Variants in MTMR10 observed in about 807,000 individuals in gnomAD.
The protein encoded by MTMR10 is myotubularin related protein 10, also known as myotubularin-related protein 10.
A neutral mutation model predicts 88.1 loss-of-function variants in MTMR10; 56 were observed. That is an observed-to-expected ratio of 0.64 (90% CI 0.51 to 0.79). MTMR10 has a LOEUF of 0.79. Among genes scored for constraint, MTMR10 ranks in the 30% least tolerant of loss-of-function variants. MTMR10 has a pLI of 0.00. For missense variants in MTMR10, 883 were observed against 924.7 expected (o/e 0.95, Z 0.58); for synonymous variants, 380 against 340.9 (o/e 1.11, Z -1.26).
In MTMR10 at chr15:30,949,961, G is replaced by T. The variant is rs79675073; in HGVS notation, c.1208-1490C>A. The stretch of plus-strand genomic sequence containing the variant: ...GTGGCTGCCTGGAGCTGGGACTTTT[G>T]GGGTGATGAAAAATTTCCAAAACTA... On this transcript the variant is annotated intron_variant, in intron 12 of 15. Transcript: ENST00000435680. 294 of 152,170 alleles carry T rather than the reference G, an allele frequency of 1.9e-3. 1 individual carries two copies. The highest frequency in any genetic ancestry group is 6.9e-3 in the African/African-American group (287 of 41,528). The allele number at this position is 152,170 out of a possible 1,614,324, so 9.4% of individuals were successfully genotyped here.
At chr15:30,946,177 C>G (rs1436023176) in intron 14 of MTMR10, 1 of 152,282 alleles carries the variant, frequency 6.6e-6, no homozygotes, top group African/African-American at 2.4e-5. Flanking sequence ...GTTCTCCCTC[C>G]TGCAATAGCC....
rs1014207920 is a variant in MTMR10, at chr15:30,941,385, G to C, written c.*85C>G. On this transcript the variant is annotated 3_prime_UTR_variant, in exon 16 of 16. Transcript: ENST00000435680. ...ATTATTCTTACATATAAAGTTATTA[G>C]AGATTCAAACGCCTAGGTTAGCAAT... 8.1e-5 allele frequency: 124 copies of C among 1,539,846 alleles called. 4 individuals carry two copies. In the South Asian group the frequency reaches 1.5e-3, roughly 19 times the overall value.
intron 5 of MTMR10, among the ~76,000 whole-genome samples, chr15:30,970,811 A>G (rs1368814157): frequency 6.6e-6 from 1 of 152,194 alleles, no homozygotes; most frequent in Non-Finnish European, 1.5e-5. Flanking sequence ...AGGTTAGGAA[A>G]CAAATGAGTA....
At chr15:30,987,184 A>AACACAGTCT (rs1395470662) in intron 2 of MTMR10, among the ~76,000 whole-genome samples, 2 of 152,242 alleles carry the variant, frequency 1.3e-5, no homozygotes, top group African/African-American at 4.8e-5. Flanking sequence ...GGCATAAAAT[A>AACACAGTCT]ACACAGTCTT....
chr15:30,930,018 T>C, the MTMR10 span, among the ~76,000 whole-genome samples: 2 of 136,992 alleles, frequency 1.5e-5, no homozygotes, highest in Non-Finnish European at 3.0e-5. Flanking sequence ...GTATAAAATA[T>C]ATAATAATAT....
At chr15:30,926,183 G>A in the MTMR10 span, among the ~76,000 whole-genome samples, 2 of 152,212 alleles carry the variant, frequency 1.3e-5, no homozygotes, top group African/African-American at 4.8e-5. Flanking sequence ...AAAAGTTATG[G>A]AAGGTACTGC....
At chr15:30,985,141 C>T (rs539673212) in intron 2 of MTMR10, among the ~76,000 whole-genome samples, 2 of 152,310 alleles carry the variant, frequency 1.3e-5, no homozygotes, top group South Asian at 4.1e-4. Context: ...GAGCAAAGGC[C>T]ATCAAGCCCC....
chr15:30,970,622 A>T (rs2063526526), intron 5 of MTMR10, among the ~76,000 whole-genome samples: 5 of 152,228 alleles, frequency 3.3e-5, no homozygotes, highest in African/African-American at 1.2e-4. Context: ...ATTCTCCAAA[A>T]CAATTAGAAA....
chr15:30,943,493 G>C lies in MTMR10; in HGVS notation c.1549-421C>G, dbSNP rs930505977. On this transcript the variant is annotated intron_variant, in intron 14 of 15. Coordinates refer to ENST00000435680, the MANE Select transcript of MTMR10 (RefSeq NM_017762.3). Reference sequence around the variant, plus strand: ...AGTGGATTAACAAAATCTTTGGATGGAAATCACTGCCACCAATTTTATAAC... The same window carrying C: ...AGTGGATTAACAAAATCTTTGGATGCAAATCACTGCCACCAATTTTATAAC... 3 of 985,338 alleles carry C rather than the reference G, an allele frequency of 3.0e-6. No homozygotes were observed. The African/African-American group carries it at 5.2e-5, about 17-fold the overall frequency. The allele number at this position is 985,338 out of a possible 1,614,324, so 61.0% of individuals were successfully genotyped here.
In MTMR10 at chr15:30,939,532, AAAAT is replaced by A; in HGVS notation, c.*1934_*1937del. The A allele has an allele frequency of 1.0e-6, 1 of 977,094 alleles. No individual in the cohort carries two copies. The highest frequency in any genetic ancestry group is 1.2e-6 in the Non-Finnish European group (1 of 822,370). 60.5% of individuals were successfully genotyped at this position (977,094 alleles called of 1,614,324 possible). A position where few individuals can be genotyped will look rare whatever the true frequency, so the allele number is the denominator to read the frequency against. On this transcript the variant is annotated 3_prime_UTR_variant, in exon 16 of 16. Coordinates refer to ENST00000435680, the MANE Select transcript of MTMR10 (RefSeq NM_017762.3). ...ATCATGATATAACAACTGTCCAGCA[AAAAT>A]AAAAGTATTTTACATTTGATTATCA...
chr15:30,959,539 T>C (rs2063373106), intron 7 of MTMR10, among the ~76,000 whole-genome samples: 2 of 152,202 alleles, frequency 1.3e-5, no homozygotes, highest in African/African-American at 2.4e-5. Context: ...TCCCCATGCC[T>C]AAAAGGCACA....
At chr15:30,929,268 G>A in the MTMR10 span, 1 of 1,613,688 alleles carries the variant, frequency 6.2e-7, no homozygotes, top group Non-Finnish European at 8.5e-7. Context: ...TTGAGGCCAG[G>A]CTGCAGCTGA....
rs2063015745 is a variant in MTMR10 at position 30,940,666 on chromosome 15, C to T, written c.*804G>A. 2 of 987,028 alleles carry T rather than the reference C, an allele frequency of 2.0e-6. No homozygotes were observed. Among genetic ancestry groups the T allele is most frequent in the African/African-American group, 3.5e-5 (2 of 57,340 alleles). The allele number at this position is 987,028 out of a possible 1,614,324, so 61.1% of individuals were successfully genotyped here. ...GGAATCAGCACCCCAGAGGCCACTC[C>T]CCAGTGGCTTTCAGAGGAACAAGAC... On this transcript the variant is annotated 3_prime_UTR_variant, in exon 16 of 16. Transcript: ENST00000435680.
chr15:30,960,690 CT>C (rs1406139476), intron 7 of MTMR10, among the ~76,000 whole-genome samples, 190 bp downstream of exon 7: 1 of 152,142 alleles, frequency 6.6e-6, no homozygotes, highest in Non-Finnish European at 1.5e-5. Context: ...TTACTATCAA[CT>C]TCTTTTAAGG....
chr15:30,975,849 A>G (rs550519321), intron 3 of MTMR10, among the ~76,000 whole-genome samples: 1 of 152,340 alleles, frequency 6.6e-6, no homozygotes, highest in African/African-American at 2.4e-5. Context: ...AACAATTACT[A>G]TAAAGAAAGA....
At chr15:30,932,118 AG>A in the MTMR10 span, among the ~76,000 whole-genome samples, 1 of 148,226 alleles carries the variant, frequency 6.7e-6, no homozygotes, top group African/African-American at 2.5e-5. Context: ...GCTACTTGGG[AG>A]GCTGAGGCAG....
chr15:30,941,930 C>T lies in MTMR10; in HGVS notation c.1874G>A (p.Ser625Asn). Reference sequence around the variant, plus strand: ...TTCTCTAAAATACTGCTCCGTATCACTGTTCTGGCTGTCGGTTTGCTGAGC... The same window carrying T: ...TTCTCTAAAATACTGCTCCGTATCATTGTTCTGGCTGTCGGTTTGCTGAGC... ...DPAQQTDSQN[S>N]DTEQYFREWF... Residue 625 changes from serine (S) to asparagine (N), a missense_variant, in exon 16 of 16, where the codon AGT becomes AAT. By Grantham distance (46) the Ser-to-Asn change is conservative. Coordinates refer to ENST00000435680, the MANE Select transcript of MTMR10 (RefSeq NM_017762.3). 1.2e-6 allele frequency: 2 copies of T among 1,614,024 alleles called. No homozygotes were observed. The highest frequency in any genetic ancestry group is 1.7e-6 in the Non-Finnish European group (2 of 1,179,906).
the MTMR10 span, chr15:30,929,453 C>A: frequency 1.4e-6 from 2 of 1,408,978 alleles, no homozygotes; most frequent in Non-Finnish European, 9.7e-7. Context: ...CGCCCCAGTG[C>A]TGTCTTTTCA....
chr15:30,920,536 T>A, the MTMR10 span: 1 of 1,583,786 alleles, frequency 6.3e-7, no homozygotes, highest in Non-Finnish European at 8.7e-7. Context: ...GTATATGTCT[T>A]CATTTTAGAT....
Sources: allele counts gnomAD v4.1 joint callset (sites outside exome capture counted in the v4.1 genomes callset), GRCh38; gene constraint gnomAD v4.1.1; transcripts MANE v1.5; gene names NCBI Gene and HGNC (gene_info 2026-07-23, HGNC 2026-07-21).